Variants in ANAPC10 observed in about 807,000 individuals in gnomAD.
The protein encoded by ANAPC10 is anaphase promoting complex subunit 10, also known as anaphase-promoting complex subunit 10.
A neutral mutation model predicts 22.0 loss-of-function variants in ANAPC10; 12 were observed. The ratio of observed to expected loss-of-function variants is 0.55; its 90% CI spans 0.35 to 0.88. The LOEUF (loss-of-function observed/expected upper bound fraction) is 0.88, where lower values mean the gene tolerates loss of function less well. ANAPC10 is among the 40% of genes least tolerant of loss of function. The pLI, the probability that ANAPC10 is intolerant of heterozygous loss-of-function variation, is 0.01. For synonymous variants in ANAPC10, 65 were observed against 69.5 expected, an observed-to-expected ratio of 0.94 and a Z score of 0.32; for missense variants, 188 against 220.9, an observed-to-expected ratio of 0.85 and a Z score of 0.94.
At chr4:145,025,947 C>T (rs1376462552) in intron 4 of ANAPC10, among the ~76,000 whole-genome samples, 1 of 152,078 alleles carries the variant, frequency 6.6e-6, no homozygotes, top group East Asian at 1.9e-4. Context: ...TAAGGTCTTA[C>T]CAGTTAGACA....
At chr4:145,012,287 T>C (rs1334844067) in intron 4 of ANAPC10, among the ~76,000 whole-genome samples, 1 of 151,192 alleles carries the variant, frequency 6.6e-6, no homozygotes, top group African/African-American at 2.4e-5. Context: ...ATACTTAACA[T>C]ATTGAAAATA....
At chr4:145,015,229 T>C (rs1285925383) in intron 4 of ANAPC10, among the ~76,000 whole-genome samples, 3 of 151,898 alleles carry the variant, frequency 2.0e-5, no homozygotes, top group Non-Finnish European at 4.4e-5. Context: ...AGGAAATAGA[T>C]AGCATAAAGA....
intron 4 of ANAPC10, among the ~76,000 whole-genome samples, chr4:145,013,552 T>A (rs1249701631): frequency 2.0e-5 from 3 of 152,164 alleles, no homozygotes; most frequent in East Asian, 3.8e-4. Context: ...TCTTTTCATA[T>A]ATAATCAGAG....
intron 3 of ANAPC10, among the ~76,000 whole-genome samples, chr4:145,066,549 C>T (rs1743715758): frequency 1.3e-5 from 2 of 151,694 alleles, no homozygotes; most frequent in Non-Finnish European, 1.5e-5. Context: ...AGAATAATTA[C>T]GTTTCTAAAT....
At chr4:145,065,765 C>T (rs990024273) in intron 3 of ANAPC10, among the ~76,000 whole-genome samples, 1 of 151,746 alleles carries the variant, frequency 6.6e-6, no homozygotes, top group African/African-American at 2.4e-5. Flanking sequence ...ACAATATATA[C>T]AGAAGAATCA....
chr4:145,007,129 G>C (rs1257958216), intron 4 of ANAPC10, among the ~76,000 whole-genome samples: 1 of 151,990 alleles, frequency 6.6e-6, no homozygotes, highest in Non-Finnish European at 1.5e-5. Flanking sequence ...GGAGCACCCA[G>C]ATTCATAAAG....
intron 4 of ANAPC10, among the ~76,000 whole-genome samples, chr4:145,000,422 T>C (rs1732344012): frequency 6.6e-6 from 1 of 152,086 alleles, no homozygotes; most frequent in Admixed American, 6.6e-5. Flanking sequence ...AAGAAGACAT[T>C]TATACAGCCA....
intron 4 of ANAPC10, among the ~76,000 whole-genome samples, chr4:145,026,420 A>G (rs1736670097): frequency 6.6e-6 from 1 of 152,172 alleles, no homozygotes; most frequent in Non-Finnish European, 1.5e-5. Context: ...GTGCATGGGA[A>G]AAAAACAGAG....
At chr4:145,071,657 T>C (rs936071683) in intron 3 of ANAPC10, among the ~76,000 whole-genome samples, 2 of 152,186 alleles carry the variant, frequency 1.3e-5, no homozygotes, top group Non-Finnish European at 2.9e-5. Context: ...CTTTATAACC[T>C]GATAACCTGA....
chr4:145,083,781 GT>G, intron 2 of ANAPC10, among the ~76,000 whole-genome samples: 2 of 152,154 alleles, frequency 1.3e-5, no homozygotes, highest in South Asian at 2.1e-4. Context: ...TTACATTTCT[GT>G]TGGATAGCAC....
At chr4:145,092,460 T>C (rs1214250400) in intron 2 of ANAPC10, among the ~76,000 whole-genome samples, 1 of 152,096 alleles carries the variant, frequency 6.6e-6, no homozygotes, top group Non-Finnish European at 1.5e-5. Context: ...TTACAGATTG[T>C]CCCAACTGTA....
At chr4:145,025,875 T>C (rs1477240564) in intron 4 of ANAPC10, among the ~76,000 whole-genome samples, 1 of 152,116 alleles carries the variant, frequency 6.6e-6, no homozygotes, top group Non-Finnish European at 1.5e-5. Context: ...AGCCCTAGAT[T>C]CTTACCTGCC....
chr4:145,012,174 G>GTATATATATA (rs201493778), intron 4 of ANAPC10, among the ~76,000 whole-genome samples: 2 of 133,458 alleles, frequency 1.5e-5, no homozygotes, highest in African/African-American at 2.7e-5. Flanking sequence ...ATGTGTGTGT[G>GTATATATATA]TGTATATATA....
chr4:145,060,481 T>C (rs747999007), intron 4 of ANAPC10, among the ~76,000 whole-genome samples: 24 of 152,054 alleles, frequency 1.6e-4, no homozygotes, highest in Non-Finnish European at 2.9e-4. Flanking sequence ...GGCAGCTATA[T>C]GCTTTTCTCA....
At chr4:145,022,298 T>C (rs1736069842) in intron 4 of ANAPC10, among the ~76,000 whole-genome samples, 1 of 152,098 alleles carries the variant, frequency 6.6e-6, no homozygotes, top group Non-Finnish European at 1.5e-5. Context: ...CTGTGGTATG[T>C]ATACCACAGT....
At chr4:145,056,539 T>C (rs1043337453) in intron 4 of ANAPC10, among the ~76,000 whole-genome samples, 1 of 152,182 alleles carries the variant, frequency 6.6e-6, no homozygotes, top group African/African-American at 2.4e-5. Flanking sequence ...GCGCAAGATA[T>C]AAGAACCCCC....
intron 4 of ANAPC10, chr4:144,999,303 G>C (rs776557070): frequency 6.5e-6 from 1 of 154,088 alleles, no homozygotes; most frequent in Non-Finnish European, 1.4e-5. Context: ...GCCTGGCAGA[G>C]ACACAACAAG....
At chr4:145,083,241 T>G (rs899384067) in intron 2 of ANAPC10, among the ~76,000 whole-genome samples, 1 of 152,186 alleles carries the variant, frequency 6.6e-6, no homozygotes, top group African/African-American at 2.4e-5. Context: ...TAATCTAATA[T>G]TTATTAGCTC....
At chr4:145,037,031 TGTGTGTG>T (rs1738667940) in intron 4 of ANAPC10, among the ~76,000 whole-genome samples, 1 of 140,424 alleles carries the variant, frequency 7.1e-6, no homozygotes, top group Middle Eastern at 3.4e-3. Flanking sequence ...TGTGTGTGTG[TGTGTGTG>T]TATGTGTGTG....
Sources: allele counts gnomAD v4.1 joint callset (sites outside exome capture counted in the v4.1 genomes callset), GRCh38; gene constraint gnomAD v4.1.1; transcripts MANE v1.5; gene names NCBI Gene and HGNC (gene_info 2026-07-23, HGNC 2026-07-21).